The following CNTN5 variants were observed in gnomAD, a reference collection of about 807,000 sequenced individuals.
The protein encoded by CNTN5 is contactin-5.
In CNTN5, 77 loss-of-function variants were observed where a neutral mutation model predicts 129.1. The ratio of observed to expected loss-of-function variants is 0.60; its 90% CI spans 0.50 to 0.72. The LOEUF is 0.72. Ranked by LOEUF, CNTN5 falls within the 30% of genes least tolerant of loss-of-function variation. CNTN5 has a pLI of 0.00. For synonymous variants in CNTN5, 509 were observed against 465.6 expected, an observed-to-expected ratio of 1.09 and a Z score of -1.20; for missense variants, 1,478 against 1,328.8, an observed-to-expected ratio of 1.11 and a Z score of -1.75.
intron 17 of CNTN5, among the ~76,000 whole-genome samples, chr11:100,260,717 C>T (rs186961876): frequency 7.3e-4 from 111 of 152,210 alleles, no homozygotes; most frequent in African/African-American, 1.9e-3. Context: ...TCAATATATG[C>T]AGAAAAGGAG....
At chr11:99,519,042 C>G (rs970595850) in intron 2 of CNTN5, among the ~76,000 whole-genome samples, 2 of 151,972 alleles carry the variant, frequency 1.3e-5, no homozygotes, top group African/African-American at 4.8e-5. Flanking sequence ...GTTTCCATTT[C>G]TCCTGGAATA....
intron 3 of CNTN5, among the ~76,000 whole-genome samples, chr11:99,678,973 A>C (rs149432859): frequency 0.039 from 5,763 of 147,980 alleles, 133 homozygotes; most frequent in Non-Finnish European, 0.058. Context: ...CTCTCTATAT[A>C]TATATATAAA....
chr11:99,826,494 A>G (rs781215470), intron 4 of CNTN5, among the ~76,000 whole-genome samples: 15 of 152,244 alleles, frequency 9.9e-5, no homozygotes, highest in Middle Eastern at 3.2e-3. Flanking sequence ...TGACAGAGGT[A>G]CAGTATTATT....
At chr11:99,869,014 G>T (rs1025857957) in intron 6 of CNTN5, among the ~76,000 whole-genome samples, 1 of 152,070 alleles carries the variant, frequency 6.6e-6, no homozygotes, top group Non-Finnish European at 1.5e-5. Flanking sequence ...TCCTGTGACT[G>T]GTAATCACCC....
At chr11:99,884,201 A>G (rs1948840397) in intron 6 of CNTN5, among the ~76,000 whole-genome samples, 1 of 152,188 alleles carries the variant, frequency 6.6e-6, no homozygotes, top group African/African-American at 2.4e-5. Flanking sequence ...TGAAATAACA[A>G]TCAAACATCA....
intron 16 of CNTN5, among the ~76,000 whole-genome samples, chr11:100,252,632 T>C (rs1438095977): frequency 6.6e-6 from 1 of 152,144 alleles, no homozygotes; most frequent in Non-Finnish European, 1.5e-5. Flanking sequence ...CATCTGCATG[T>C]GAACATCCAA....
At chr11:99,159,220 A>T (rs548963403) in intron 1 of CNTN5, among the ~76,000 whole-genome samples, 1 of 152,342 alleles carries the variant, frequency 6.6e-6, no homozygotes, top group African/African-American at 2.4e-5. Flanking sequence ...TTCAAGTTAG[A>T]CATATTTTTA....
intron 13 of CNTN5, among the ~76,000 whole-genome samples, chr11:100,129,753 A>G (rs1038346924): frequency 2.6e-5 from 4 of 152,106 alleles, no homozygotes; most frequent in Non-Finnish European, 4.4e-5. Context: ...CCAGTTGTTC[A>G]TATTCACACT....
intron 1 of CNTN5, among the ~76,000 whole-genome samples, chr11:99,056,992 TG>T (rs1317622844): frequency 6.6e-6 from 1 of 152,036 alleles, no homozygotes; most frequent in African/African-American, 2.4e-5. Flanking sequence ...TCAACTCACC[TG>T]GAATACAAGG....
chr11:100,085,750 A>G (rs559320331), intron 13 of CNTN5, among the ~76,000 whole-genome samples: 1 of 152,060 alleles, frequency 6.6e-6, no homozygotes, highest in Non-Finnish European at 1.5e-5. Context: ...AAGCACACAC[A>G]CTCGTAACAA....
Position 100,147,687 on chromosome 11 carries a change from G to A in CNTN5, c.1581-43439G>A, listed in dbSNP as rs1358056244. Among the ~76,000 whole-genome samples, 4 of 151,394 alleles carry A rather than the reference G, an allele frequency of 2.6e-5. No individual in the cohort carries two copies. In the East Asian group the frequency reaches 7.8e-4, roughly 30 times the overall value. The stretch of plus-strand genomic sequence containing the variant: ...TATTGTCCCTTTCCTTCTATTATAT[G>A]TCTTCATATTATTCACGACACCCAC... On this transcript the variant is annotated intron_variant, in intron 13 of 24. Coordinates refer to ENST00000524871, the MANE Select transcript of CNTN5 (RefSeq NM_014361.4).
intron 6 of CNTN5, among the ~76,000 whole-genome samples, chr11:99,912,694 C>G (rs1245682774): frequency 7.0e-6 from 1 of 142,402 alleles, no homozygotes; most frequent in Non-Finnish European, 1.5e-5. Context: ...TGCAGTAATT[C>G]TCCAAGCTAC....
At chr11:100,231,565 G>C (rs570447331) in intron 16 of CNTN5, among the ~76,000 whole-genome samples, 1 of 152,284 alleles carries the variant, frequency 6.6e-6, no homozygotes, top group African/African-American at 2.4e-5. Flanking sequence ...GAGTGTCAAA[G>C]TAGTTATTAA....
At chr11:99,991,450 G>A (rs1939092155) in intron 8 of CNTN5, among the ~76,000 whole-genome samples, 1 of 151,572 alleles carries the variant, frequency 6.6e-6, no homozygotes, top group Non-Finnish European at 1.5e-5. Flanking sequence ...CTGGGCAACA[G>A]AGTGAGACTC....
rs571584152 is a variant in CNTN5, at chr11:99,226,307, G to A, written c.-209-99039G>A. Among the ~76,000 whole-genome samples, 8 of 152,174 alleles carry A rather than the reference G, an allele frequency of 5.3e-5. No individual in the cohort carries two copies. In the South Asian group the frequency reaches 6.2e-4, roughly 12 times the overall value. ...TTAGGATCCCCCTTCACATATTTTC[G>A]TATACATTTGTGGACTATAGATGTG... On this transcript the variant is annotated intron_variant, in intron 1 of 24. Transcript: ENST00000524871.
chr11:99,048,072 T>C (rs1864285004), intron 1 of CNTN5, among the ~76,000 whole-genome samples: 2 of 152,036 alleles, frequency 1.3e-5, no homozygotes, highest in African/African-American at 4.8e-5. Flanking sequence ...ACGTATATAC[T>C]CTAAAGCTTA....
At chr11:99,836,731 A>G (rs550170282) in intron 4 of CNTN5, among the ~76,000 whole-genome samples, 25 of 152,272 alleles carry the variant, frequency 1.6e-4, no homozygotes, top group Non-Finnish European at 2.8e-4. Flanking sequence ...GTCTTCCACA[A>G]TGGTTGAACT....
chr11:100,135,020 T>C lies in CNTN5; in HGVS notation c.1581-56106T>C, dbSNP rs369689053. Among the ~76,000 whole-genome samples the C allele has an allele frequency of 6.2e-4, 95 of 152,250 alleles. 2 individuals carry two copies. The East Asian group carries it at 0.011, about 18-fold the overall frequency. ...ATTGGTTTGATTAATTGTTAATTCA[T>C]TCATTGATTCATTTAGGGGTTTATT... On this transcript the variant is annotated intron_variant, in intron 13 of 24. Transcript: ENST00000524871.
At chr11:100,156,881 CT>C (rs1156296967) in intron 13 of CNTN5, among the ~76,000 whole-genome samples, 8 of 151,774 alleles carry the variant, frequency 5.3e-5, no homozygotes, top group Non-Finnish European at 8.8e-5. Context: ...TTTGATTCTT[CT>C]CTCTTTATCA....
Sources: gnomAD v4.1 joint callset for allele counts (sites outside exome capture counted in the v4.1 genomes callset) on GRCh38, gnomAD v4.1.1 for gene constraint, MANE v1.5 for transcripts, NCBI Gene and HGNC (gene_info 2026-07-23, HGNC 2026-07-21) for gene names.